Variants in DOCK8 observed in about 807,000 individuals in gnomAD.
DOCK8 encodes dedicator of cytokinesis protein 8.
In DOCK8, 141 loss-of-function variants were observed where a neutral mutation model predicts 245.6. The observed-to-expected ratio is 0.57, with a 90% CI of 0.50 to 0.66. The LOEUF (loss-of-function observed/expected upper bound fraction) is 0.66, where lower values mean the gene tolerates loss of function less well. DOCK8 is among the 30% of genes least tolerant of loss of function. The pLI is 0.00. For missense variants in DOCK8, 2,965 were observed against 2,603.4 expected, an observed-to-expected ratio of 1.14 and a Z score of -3.02; for synonymous variants, 1,168 against 970.2, an observed-to-expected ratio of 1.20 and a Z score of -3.79.
intron 40 of DOCK8, among the ~76,000 whole-genome samples, chr9:440,045 G>T (rs1345281328): frequency 6.6e-6 from 1 of 152,108 alleles, no homozygotes; most frequent in Non-Finnish European, 1.5e-5. Context: ...TTGAGACAGA[G>T]TCTAGCTCTG....
intron 1 of DOCK8, among the ~76,000 whole-genome samples, chr9:229,418 A>G (rs187785435): frequency 2.0e-5 from 3 of 152,314 alleles, no homozygotes; most frequent in African/African-American, 7.2e-5. Context: ...GCCTGGAGGC[A>G]GGTATATGAA....
At chr9:428,884 C>T (rs2056599697) in intron 35 of DOCK8, among the ~76,000 whole-genome samples, 1 of 152,228 alleles carries the variant, frequency 6.6e-6, no homozygotes, top group Admixed American at 6.5e-5. Context: ...CATAAAATGC[C>T]AGGAAGGTCA....
At position 441,953 on chromosome 9, in the gene DOCK8, T is replaced by A; in HGVS notation, c.5434T>A (p.Phe1812Ile). Reference sequence around the variant, plus strand: ...ATTTGGGGATTTGGATGAACAGGAGTTTGTCTACAAAGAGCCTGCAATTAC... The same window carrying A: ...ATTTGGGGATTTGGATGAACAGGAGATTGTCTACAAAGAGCCTGCAATTAC... ...SKFGDLDEQE[F>I]VYKEPAITKL... Residue 1812 changes from phenylalanine to isoleucine, a missense_variant, in exon 42 of 48, where the codon TTT becomes ATT. Around this residue, in one of 3 missense-constraint regions of DOCK8, gnomAD observed 2,825 missense variants for 2,453.5 expected, o/e 1.15. Transcript: ENST00000432829. The A allele has an allele frequency of 6.2e-7, 1 of 1,614,080 alleles. No individual in the cohort carries two copies. Among genetic ancestry groups the A allele is most frequent in the Non-Finnish European group, 8.5e-7 (1 of 1,180,010 alleles).
chr9:275,113 A>G (rs1377387038), intron 2 of DOCK8, among the ~76,000 whole-genome samples: 1 of 152,208 alleles, frequency 6.6e-6, no homozygotes, highest in Non-Finnish European at 1.5e-5. Context: ...TGAAGACTTC[A>G]GTTTCTTCAT....
chr9:275,255 A>T (rs1586567570), intron 2 of DOCK8, among the ~76,000 whole-genome samples: 3 of 152,230 alleles, frequency 2.0e-5, no homozygotes, highest in South Asian at 2.1e-4. Context: ...GATTAAAAGA[A>T]GATGATGAAT....
In DOCK8 at chr9:374,628, A is replaced by AT. The variant is rs3028572; in HGVS notation, c.2110-1566dup. Among the ~76,000 whole-genome samples, 246 of 137,030 alleles carry AT rather than the reference A, an allele frequency of 1.8e-3. 4 individuals carry two copies. Among genetic ancestry groups the AT allele is most frequent in the African/African-American group, 6.2e-3 (228 of 36,488 alleles). 89.9% of individuals were successfully genotyped at this position (137,030 alleles called of 152,430 possible). On this transcript the variant is annotated intron_variant, in intron 18 of 47. Coordinates refer to ENST00000432829, the MANE Select transcript of DOCK8 (RefSeq NM_203447.4). ...AGGCATGCACCACCACGCCCAGCTA[A>AT]TTTTTTTTTTTTTTTTCATTAGAAA...
chr9:464,377 AT>A lies in DOCK8; in HGVS notation c.*160del. 8 of 740,130 alleles carry A rather than the reference AT, an allele frequency of 1.1e-5. No homozygotes were observed. The highest frequency in any genetic ancestry group is 1.9e-5 in the Non-Finnish European group (8 of 416,048). The allele number at this position is 740,130 out of a possible 1,614,324, so 45.8% of individuals were successfully genotyped here. The stretch of plus-strand genomic sequence containing the variant: ...TTGGGATCCCAGGAACCATGGAATT[AT>A]TCCCAAATGGACTCTGACCAGATTT... On this transcript the variant is annotated 3_prime_UTR_variant, in exon 48 of 48. Coordinates refer to ENST00000432829, the MANE Select transcript of DOCK8 (RefSeq NM_203447.4).
intron 1 of DOCK8, among the ~76,000 whole-genome samples, chr9:259,280 T>A (rs1587678543): frequency 6.6e-6 from 1 of 152,142 alleles, no homozygotes; most frequent in Non-Finnish European, 1.5e-5. Context: ...TCAGCCTGGG[T>A]GACAGAGCAA....
At chr9:450,017 G>A in intron 45 of DOCK8, 90 bp downstream of exon 45, 6 of 1,429,420 alleles carry the variant, frequency 4.2e-6, no homozygotes, top group Non-Finnish European at 5.8e-6. Flanking sequence ...GGGTTGATGA[G>A]GACTTTGATC....
intron 27 of DOCK8, among the ~76,000 whole-genome samples, chr9:406,720 G>A (rs956320028): frequency 1.1e-4 from 16 of 151,930 alleles, no homozygotes; most frequent in African/African-American, 2.2e-4. Flanking sequence ...CATCTTTCCC[G>A]CTGGGCAGTC....
rs1275461876 is a variant in DOCK8 at position 441,935 on chromosome 9, G to T, written c.5416G>T (p.Asp1806Tyr). 4.3e-6 allele frequency: 7 copies of T among 1,614,072 alleles called. No homozygotes were observed. The highest frequency in any genetic ancestry group is 5.9e-6 in the Non-Finnish European group (7 of 1,179,998). ...TGGTTTCTTTGGATCCAAATTTGGGGATTTGGATGAACAGGAGTTTGTCTA... is the reference window on the plus strand; with the variant it reads ...TGGTTTCTTTGGATCCAAATTTGGGTATTTGGATGAACAGGAGTTTGTCTA... ...RVGFFGSKFG[D>Y]LDEQEFVYKE... The change falls in exon 42 of 48, where the codon GAT becomes TAT. Residue 1806 changes from aspartate (D) to tyrosine (Y), a missense_variant. By Grantham distance (160) the Asp-to-Tyr change is radical. Around this residue, in one of 3 missense-constraint regions of DOCK8, gnomAD observed 2,825 missense variants for 2,453.5 expected, o/e 1.15. Coordinates refer to ENST00000432829, the MANE Select transcript of DOCK8 (RefSeq NM_203447.4).
chr9:255,668 CAAAAAAAAAAAA>C (rs71317282), intron 1 of DOCK8, among the ~76,000 whole-genome samples: 1 of 23,504 alleles, frequency 4.3e-5, no homozygotes, highest in Non-Finnish European at 7.6e-5. Flanking sequence ...ACTCCATCTC[CAAAAAAAAAAAA>C]AAAAAAAAAA....
At chr9:289,978 T>A (rs1278229574) in intron 4 of DOCK8, among the ~76,000 whole-genome samples, 1 of 152,230 alleles carries the variant, frequency 6.6e-6, no homozygotes, top group Non-Finnish European at 1.5e-5. Flanking sequence ...CTGTTCATCC[T>A]CCCTCCCTGG....
chr9:215,701 C>G, intron 1 of DOCK8: 1 of 321,416 alleles, frequency 3.1e-6, no homozygotes, highest in Non-Finnish European at 5.9e-6. Flanking sequence ...AAGCTAAGGA[C>G]TGGGGGATCC....
At chr9:400,067 CCATCACCAT>C (rs2054724981) in intron 26 of DOCK8, among the ~76,000 whole-genome samples, 4 of 98,210 alleles carry the variant, frequency 4.1e-5, no homozygotes, top group African/African-American at 5.0e-5. Context: ...ACCTCCTTCA[CCATCACCAT>C]CACCACCACC....
chr9:264,042 C>T (rs983480579), intron 1 of DOCK8, among the ~76,000 whole-genome samples: 3 of 152,200 alleles, frequency 2.0e-5, no homozygotes, highest in Non-Finnish European at 2.9e-5. Context: ...CTCTCCTCCT[C>T]CTTTGGGATC....
At chr9:449,350 CAAAT>C (rs147000879) in intron 44 of DOCK8, among the ~76,000 whole-genome samples, 92,379 of 150,910 alleles carry the variant, frequency 0.61, 30,339 homozygotes, top group East Asian at 0.98. Flanking sequence ...AACTCCATCT[CAAAT>C]AAATAAATAA....
intron 24 of DOCK8, among the ~76,000 whole-genome samples, chr9:392,092 T>G (rs2054220858): frequency 6.7e-6 from 1 of 150,362 alleles, no homozygotes; most frequent in Non-Finnish European, 1.5e-5. Context: ...GAGCTGAGAT[T>G]GCGCCATTGC....
At chr9:277,458 A>AGAG (rs1485900645) in intron 2 of DOCK8, among the ~76,000 whole-genome samples, 1 of 4,816 alleles carries the variant, frequency 2.1e-4, no homozygotes, top group African/African-American at 6.7e-4. Context: ...GAAGAGAAAG[A>AGAG]GAGAAGAGAA....
Sources: allele counts gnomAD v4.1 joint callset (sites outside exome capture counted in the v4.1 genomes callset), GRCh38; gene constraint gnomAD v4.1.1; regional missense constraint gnomAD v4.1.1; transcripts MANE v1.5; gene names NCBI Gene and HGNC (gene_info 2026-07-23, HGNC 2026-07-21).